Variants in DACH2 observed in about 807,000 individuals in gnomAD.
DACH2 encodes dachshund family transcription factor 2, also known as dachshund homolog 2.
A neutral mutation model predicts 35.8 loss-of-function variants in DACH2; 17 were observed. That is an observed-to-expected ratio of 0.48 (90% CI 0.33 to 0.71). The LOEUF (loss-of-function observed/expected upper bound fraction) is 0.71. Ranked by LOEUF, DACH2 falls within the 30% of genes least tolerant of loss-of-function variation. The probability of loss-of-function intolerance (pLI) is 0.02; values close to 1 mark genes in which losing one functional copy is unlikely to be tolerated. For synonymous variants in DACH2, 195 were observed against 177.3 expected (o/e 1.10, Z -0.79); for missense variants, 469 against 472.7 (o/e 0.99, Z 0.07).
intron 1 of DACH2, among the ~76,000 whole-genome samples, chrX:86,159,489 A>G (rs951809339): frequency 2.7e-5 from 3 of 111,934 alleles, no homozygotes; most frequent in Non-Finnish European, 5.6e-5. Context: ...GGTATGCAAA[A>G]GGGGAATTTG....
intron 2 of DACH2, among the ~76,000 whole-genome samples, chrX:86,452,889 G>T (rs2037405358): frequency 9.0e-6 from 1 of 111,030 alleles, no homozygotes; most frequent in African/African-American, 3.3e-5. Context: ...TAGTTCTCTA[G>T]TTCTTTTAGT....
In DACH2 at chrX:86,439,947, G is replaced by A. The variant is rs556652870; in HGVS notation, c.527+63085G>A. 7.2e-5 allele frequency among the ~76,000 whole-genome samples: 8 copies of A among 111,251 alleles called. No homozygotes were observed. The South Asian group carries it at 1.5e-3, about 21-fold the overall frequency. ...GGTTTCTAGCTATCTTTATGTTACC[G>A]ATTTCTGTTTAATTCCATTGTGGTC... On this transcript the variant is annotated intron_variant, in intron 2 of 11. Coordinates refer to ENST00000373125, the MANE Select transcript of DACH2 (RefSeq NM_053281.3).
At chrX:86,590,599 G>C (rs1036200774) in intron 3 of DACH2, among the ~76,000 whole-genome samples, 35 of 111,484 alleles carry the variant, frequency 3.1e-4, no homozygotes, top group African/African-American at 1.1e-3. Flanking sequence ...ACAACTGCTT[G>C]ATCATATGGC....
intron 3 of DACH2, among the ~76,000 whole-genome samples, chrX:86,525,271 T>A (rs1442129475): frequency 8.9e-6 from 1 of 112,124 alleles, no homozygotes; most frequent in Non-Finnish European, 1.9e-5. Flanking sequence ...AAGTTAAATG[T>A]AGGAGATCAG....
intron 1 of DACH2, among the ~76,000 whole-genome samples, chrX:86,203,540 A>G (rs5968824): frequency 0.059 from 6,608 of 111,706 alleles, 527 homozygotes; most frequent in African/African-American, 0.2. Context: ...AAGTATGTAT[A>G]CAATGTGGAT....
At chrX:86,287,022 C>T (rs187802720) in intron 1 of DACH2, among the ~76,000 whole-genome samples, 40 of 111,096 alleles carry the variant, frequency 3.6e-4, no homozygotes, top group African/African-American at 1.3e-3. Flanking sequence ...TTTTGTTTCT[C>T]ATTGAAAGAC....
chrX:86,413,017 G>A (rs1405911238), intron 2 of DACH2, among the ~76,000 whole-genome samples: 1 of 111,553 alleles, frequency 9.0e-6, no homozygotes, highest in Non-Finnish European at 1.9e-5. Flanking sequence ...GAGGCCAAAT[G>A]CATCACTTAC....
intron 2 of DACH2, among the ~76,000 whole-genome samples, chrX:86,440,084 T>C (rs1286132995): frequency 9.0e-6 from 1 of 111,226 alleles, no homozygotes; most frequent in Non-Finnish European, 1.9e-5. Flanking sequence ...GAGAAGAATG[T>C]GTAATTTGCT....
intron 7 of DACH2, among the ~76,000 whole-genome samples, chrX:86,760,629 T>G (rs2041871126): frequency 8.9e-6 from 1 of 111,952 alleles, no homozygotes; most frequent in Non-Finnish European, 1.9e-5. Flanking sequence ...TCTTTGTATT[T>G]TTTCCAGTAT....
chrX:86,418,922 C>T (rs979147463), intron 2 of DACH2, among the ~76,000 whole-genome samples: 1 of 111,983 alleles, frequency 8.9e-6, no homozygotes, highest in African/African-American at 3.2e-5. Context: ...TTAGAGATTT[C>T]TTCTGCCAGA....
At chrX:86,363,977 G>A (rs2035772631) in intron 1 of DACH2, among the ~76,000 whole-genome samples, 1 of 111,195 alleles carries the variant, frequency 9.0e-6, no homozygotes, top group African/African-American at 3.3e-5. Context: ...ATTAAAATGG[G>A]AAATGAGTTT....
chrX:86,517,403 GTGTCCTTTGCCCACTTT>G (rs1487063362), intron 3 of DACH2, among the ~76,000 whole-genome samples: 4 of 107,555 alleles, frequency 3.7e-5, no homozygotes, highest in African/African-American at 6.9e-5. Context: ...GTGTCTGCTC[GTGTCCTTTGCCCACTTT>G]TTTTTTTTTT....
intron 2 of DACH2, among the ~76,000 whole-genome samples, chrX:86,434,706 G>A: frequency 9.0e-6 from 1 of 111,403 alleles, no homozygotes; most frequent in East Asian, 2.8e-4. Flanking sequence ...TCTTCAAACA[G>A]ACTGTATTAG....
intron 4 of DACH2, among the ~76,000 whole-genome samples, chrX:86,677,559 G>C (rs908174718): frequency 1.8e-5 from 2 of 111,992 alleles, no homozygotes; most frequent in Non-Finnish European, 3.8e-5. Context: ...CAAGGAATTT[G>C]GGTATTTGGA....
At chrX:86,393,743 A>T (rs1418438408) in intron 2 of DACH2, among the ~76,000 whole-genome samples, 1 of 111,258 alleles carries the variant, frequency 9.0e-6, no homozygotes, top group Non-Finnish European at 1.9e-5. Flanking sequence ...GCAGCTAGAA[A>T]TAGAGTTTAA....
At chrX:86,741,302 G>A (rs1025505501) in intron 7 of DACH2, among the ~76,000 whole-genome samples, 6 of 111,302 alleles carry the variant, frequency 5.4e-5, no homozygotes, top group Non-Finnish European at 1.1e-4. Context: ...GAGCCCTTTA[G>A]CTTCATAGTG....
At chrX:86,618,151 G>T (rs1205797713) in intron 3 of DACH2, among the ~76,000 whole-genome samples, 1 of 111,433 alleles carries the variant, frequency 9.0e-6, no homozygotes, top group Non-Finnish European at 1.9e-5. Context: ...TGTGGTCTCA[G>T]CTATTTGGGA....
At chrX:86,500,833 C>T (rs893750245) in intron 2 of DACH2, among the ~76,000 whole-genome samples, 5 of 111,953 alleles carry the variant, frequency 4.5e-5, no homozygotes, top group African/African-American at 1.6e-4. Context: ...ATAGCCTCAA[C>T]TCAAGGAGAG....
intron 3 of DACH2, among the ~76,000 whole-genome samples, chrX:86,546,404 C>CCTTCTT (rs1556304122): frequency 0.018 from 387 of 21,624 alleles, 13 homozygotes; most frequent in African/African-American, 0.044. Context: ...TCTTCTTCTT[C>CCTTCTT]CTTCTTCTTC....
Sources: gnomAD v4.1 joint callset for allele counts (sites outside exome capture counted in the v4.1 genomes callset) on GRCh38, gnomAD v4.1.1 for gene constraint, MANE v1.5 for transcripts, NCBI Gene and HGNC (gene_info 2026-07-23, HGNC 2026-07-21) for gene names.